GLIS2: variants seen among roughly 807,000 people sequenced by gnomAD.
GLIS2 encodes the protein GLIS family zinc finger 2.
GLIS2 carries 14 observed loss-of-function variants against 35.6 expected under a neutral mutation model. The ratio of observed to expected loss-of-function variants is 0.39; its 90% CI spans 0.26 to 0.61. The LOEUF (loss-of-function observed/expected upper bound fraction) is 0.61. Among genes scored for constraint, GLIS2 ranks in the 20% least tolerant of loss-of-function variants. The probability of loss-of-function intolerance (pLI) is 0.48; values close to 1 mark genes in which losing one functional copy is unlikely to be tolerated. For synonymous variants in GLIS2, 368 were observed against 325.1 expected (o/e 1.13, Z -1.42); for missense variants, 675 against 713.4 (o/e 0.95, Z 0.61).
intron 1 of GLIS2, among the ~76,000 whole-genome samples, chr16:4,318,066 C>A (rs1419011877): frequency 1.3e-5 from 2 of 152,138 alleles, no homozygotes. Flanking sequence ...CCTCCCTCAC[C>A]AATGGGGAGG....
At chr16:4,327,347 G>T (rs1284696988) in intron 1 of GLIS2, among the ~76,000 whole-genome samples, 1 of 152,234 alleles carries the variant, frequency 6.6e-6, no homozygotes, top group East Asian at 1.9e-4. Flanking sequence ...GGACAGATGG[G>T]CCTGACACGT....
intron 1 of GLIS2, among the ~76,000 whole-genome samples, chr16:4,319,922 G>C (rs984746110): frequency 1.3e-5 from 2 of 152,098 alleles, no homozygotes; most frequent in African/African-American, 4.8e-5. Context: ...TGGTGGCCAG[G>C]CTAAGTGGGC....
intron 1 of GLIS2, among the ~76,000 whole-genome samples, chr16:4,324,140 C>G (rs1308427532): frequency 1.3e-5 from 2 of 152,214 alleles, no homozygotes; most frequent in Non-Finnish European, 2.9e-5. Context: ...GGGAGGGGGT[C>G]TGCCCTCCCA....
rs2053502058 is a variant in GLIS2, at chr16:4,332,067, C to G, written c.-66-148C>G. On this transcript the variant is annotated intron_variant, in intron 1 of 6. Coordinates refer to ENST00000433375, the MANE Select transcript of GLIS2 (RefSeq NM_032575.3). The surrounding 1 kb of genome is among the most constrained non-coding windows in gnomAD (Gnocchi z 5.4). ...GCTGTTGGCTCTCCCCCCATGATAG[C>G]TGCCGGCCAGGTCGCTCGGAGGGTC... 3.1e-6 allele frequency: 2 copies of G among 650,744 alleles called. No individual in the cohort carries two copies. Among genetic ancestry groups the G allele is most frequent in the South Asian group, 3.5e-5 (2 of 57,696 alleles). The allele number at this position is 650,744 out of a possible 1,614,324, so 40.3% of individuals were successfully genotyped here. A position where few individuals can be genotyped will look rare whatever the true frequency, so the allele number is the denominator to read the frequency against.
upstream of GLIS2, among the ~76,000 whole-genome samples, chr16:4,316,024 C>T (rs1801010675): frequency 7.2e-6 from 1 of 139,418 alleles, no homozygotes; most frequent in Non-Finnish European, 1.6e-5. Flanking sequence ...CGCCCGCCCG[C>T]CCTCCCTCTA....
chr16:4,337,332 C>T lies in GLIS2; in HGVS notation c.1383C>T (p.His461=). 2 of 1,583,470 alleles carry T rather than the reference C, an allele frequency of 1.3e-6. No homozygotes were observed. Among genetic ancestry groups the T allele is most frequent in the Non-Finnish European group, 1.7e-6 (2 of 1,166,530 alleles). The change falls in exon 7 of 7, where the codon CAC becomes CAT. Residue 461 remains histidine (H), a synonymous_variant. Transcript: ENST00000433375. ...VPTRALGMEG[H]KTPLERTESS... The stretch of plus-strand genomic sequence containing the variant: ...CCAGGGCCCTGGGCATGGAGGGCCA[C>T]AAGACGCCCCTTGAAAGGACGGAGA...
At chr16:4,328,896 G>A (rs959147836) in intron 1 of GLIS2, among the ~76,000 whole-genome samples, 2 of 151,860 alleles carry the variant, frequency 1.3e-5, no homozygotes, top group East Asian at 1.9e-4. Context: ...CTTGGGCAGC[G>A]CTGCCAGTGA....
chr16:4,336,123 G>GTGCC (rs1426599997), intron 6 of GLIS2: 1 of 191,632 alleles, frequency 5.2e-6, no homozygotes, highest in Admixed American at 5.3e-5. Context: ...TGGGCGCCTC[G>GTGCC]TGCCAGGATG....
chr16:4,315,854 G>C (rs1343782270), upstream of GLIS2, among the ~76,000 whole-genome samples: 1 of 149,082 alleles, frequency 6.7e-6, no homozygotes, highest in African/African-American at 2.5e-5. Flanking sequence ...CTGGCAGCTG[G>C]CGCCCCGGGC....
rs1484634788 is a variant in GLIS2, at chr16:4,334,948, C to A, written c.493C>A (p.Pro165Thr). 2.5e-6 allele frequency: 4 copies of A among 1,613,208 alleles called. No individual in the cohort carries two copies. Among genetic ancestry groups the A allele is most frequent in the Non-Finnish European group, 3.4e-6 (4 of 1,180,030 alleles). The change falls in exon 4 of 7, where the codon CCC becomes ACC. Residue 165 changes from proline (P) to threonine (T), a missense_variant. Transcript: ENST00000433375. ...GTGCCTCTCGCCAGACCTGCCCCTG[C>A]CCAAGCAGCTGGTGTGTCGCTGGGC... The part of the protein sequence containing the change: ...DKCLSPDLPL[P>T]KQLVCRWAKC...
intron 1 of GLIS2, among the ~76,000 whole-genome samples, chr16:4,324,180 C>T (rs909618183): frequency 1.3e-5 from 2 of 152,146 alleles, no homozygotes; most frequent in East Asian, 1.9e-4. Flanking sequence ...CTGAGTGCCC[C>T]GTCTTGGGAG....
chr16:4,316,723 T>C (rs2141117506), intron 1 of GLIS2, among the ~76,000 whole-genome samples: 1 of 151,534 alleles, frequency 6.6e-6, no homozygotes, highest in South Asian at 2.1e-4. Flanking sequence ...GCCGGGAGAG[T>C]CTCCCTCCTG....
In GLIS2 at chr16:4,320,075, G is replaced by A. The variant is rs1431149692; in HGVS notation, c.-67+3821G>A. On this transcript the variant is annotated intron_variant, in intron 1 of 6. Transcript: ENST00000433375. This position sits in a 1 kb window ranked among gnomAD's most constrained non-coding sequence, Gnocchi z 5.6. Reference sequence around the variant, plus strand: ...GGGGCGGGTGACTTGGGCTCCTCGTGCCCTTTGTCTTCGGTGCTTGAGAGG... The same window carrying A: ...GGGGCGGGTGACTTGGGCTCCTCGTACCCTTTGTCTTCGGTGCTTGAGAGG... 1.3e-5 allele frequency among the ~76,000 whole-genome samples: 2 copies of A among 152,112 alleles called. No homozygotes were observed. The highest frequency in any genetic ancestry group is 6.5e-5 in the Admixed American group (1 of 15,278).
At chr16:4,336,595 C>G in intron 6 of GLIS2, 130 bp from the exon 7 acceptor site, 1 of 919,626 alleles carries the variant, frequency 1.1e-6, no homozygotes, top group Non-Finnish European at 1.7e-6. Context: ...TGGGGATGCC[C>G]CCTGCCCCCA....
chr16:4,327,561 C>T (rs1029077544), intron 1 of GLIS2, among the ~76,000 whole-genome samples: 18 of 152,178 alleles, frequency 1.2e-4, no homozygotes, highest in African/African-American at 3.9e-4. Context: ...CCGGGGACTG[C>T]GGGCGGGGGG....
rs1291616220 is a variant in GLIS2, at chr16:4,336,476, A to G, written c.776-249A>G. On this transcript the variant is annotated intron_variant, in intron 6 of 6. Coordinates refer to ENST00000433375, the MANE Select transcript of GLIS2 (RefSeq NM_032575.3). ...AGGCCATGTTCTGCTGCTGAAAGGCACATCCTCTGTAGCAGAGGGTGCAGG... is the reference window on the plus strand; with the variant it reads ...AGGCCATGTTCTGCTGCTGAAAGGCGCATCCTCTGTAGCAGAGGGTGCAGG... 9 of 614,900 alleles carry G rather than the reference A, an allele frequency of 1.5e-5. No individual in the cohort carries two copies. In the African/African-American group the frequency reaches 1.6e-4, roughly 11 times the overall value. The allele number at this position is 614,900 out of a possible 1,614,324, so 38.1% of individuals were successfully genotyped here.
chr16:4,325,078 T>C (rs1038203804), intron 1 of GLIS2, among the ~76,000 whole-genome samples: 2 of 152,290 alleles, frequency 1.3e-5, no homozygotes, highest in East Asian at 1.9e-4. Context: ...GCCGTTTGCT[T>C]TGGCAGCAGA....
rs149580171 is a variant in GLIS2 at position 4,337,413 on chromosome 16, G to A, written c.1464G>A (p.Leu488=). ...TCCCCCTGCTGCCAGGCACCGTGCTGGACCTGTCCACGGGCGTCAACTCAG... is the reference window on the plus strand; with the variant it reads ...TCCCCCTGCTGCCAGGCACCGTGCTAGACCTGTCCACGGGCGTCAACTCAG... ...DGLPLLPGTV[L]DLSTGVNSAA... The change falls in exon 7 of 7, where the codon CTG becomes CTA. Residue 488 remains leucine, a synonymous_variant. Coordinates refer to ENST00000433375, the MANE Select transcript of GLIS2 (RefSeq NM_032575.3). 1,200 of 1,588,886 alleles carry A rather than the reference G, an allele frequency of 7.6e-4. 8 individuals carry two copies. The African/African-American group carries it at 0.015, about 19-fold the overall frequency.
upstream of GLIS2, among the ~76,000 whole-genome samples, chr16:4,316,023 G>GCCCT (rs1180858270): frequency 5.5e-5 from 1 of 18,160 alleles, no homozygotes; most frequent in African/African-American, 2.5e-4. Context: ...CCGCCCGCCC[G>GCCCT]CCCTCCCTCT....
Sources: gnomAD v4.1 joint callset for allele counts (sites outside exome capture counted in the v4.1 genomes callset) on GRCh38, gnomAD v4.1.1 for gene constraint, Gnocchi (gnomAD v3.1) non-coding constraint, MANE v1.5 for transcripts, NCBI Gene and HGNC (gene_info 2026-07-23, HGNC 2026-07-21) for gene names.